Variants in SCFD2 observed in about 807,000 individuals in gnomAD.
The protein encoded by SCFD2 is sec1 family domain-containing protein 2.
SCFD2 carries 54 observed loss-of-function variants against 58.9 expected under a neutral mutation model. The ratio of observed to expected loss-of-function variants is 0.92; its 90% CI spans 0.74 to 1.15. The LOEUF is 1.15. Ranked by LOEUF, SCFD2 falls within the 50% of genes most tolerant of loss-of-function variation. SCFD2 has a pLI of 0.00. For synonymous variants in SCFD2, 321 were observed against 335.9 expected, an observed-to-expected ratio of 0.96 and a Z score of 0.49; for missense variants, 805 against 836.6, an observed-to-expected ratio of 0.96 and a Z score of 0.47.
intron 2 of SCFD2, among the ~76,000 whole-genome samples, chr4:53,345,137 G>A (rs998995452): frequency 1.3e-5 from 2 of 152,088 alleles, no homozygotes; most frequent in African/African-American, 4.8e-5. Flanking sequence ...CACAGCAAAA[G>A]AAACTACCAC....
chr4:52,970,814 C>G (rs547236931), intron 5 of SCFD2, among the ~76,000 whole-genome samples: 1 of 152,200 alleles, frequency 6.6e-6, no homozygotes, highest in Non-Finnish European at 1.5e-5. Flanking sequence ...TCCTCTGAGA[C>G]GAAACTTCCA....
intron 5 of SCFD2, among the ~76,000 whole-genome samples, chr4:53,092,268 T>G (rs745638309): frequency 3.9e-5 from 6 of 152,140 alleles, no homozygotes; most frequent in African/African-American, 1.4e-4. Context: ...ATATGACACA[T>G]AACAGGTCGT....
At chr4:52,940,387 G>T (rs553599452) in intron 5 of SCFD2, among the ~76,000 whole-genome samples, 170 of 152,312 alleles carry the variant, frequency 1.1e-3, no homozygotes, top group Non-Finnish European at 1.9e-3. Flanking sequence ...TGGCTCTCCT[G>T]AGTGGAAATG....
chr4:53,205,634 C>G (rs766682999), intron 4 of SCFD2, among the ~76,000 whole-genome samples: 1 of 151,860 alleles, frequency 6.6e-6, no homozygotes, highest in Admixed American at 6.6e-5. Context: ...CCGAGGTGGG[C>G]GGATCACGAG....
At chr4:53,206,202 G>C (rs1728399776) in intron 4 of SCFD2, among the ~76,000 whole-genome samples, 1 of 152,116 alleles carries the variant, frequency 6.6e-6, no homozygotes, top group Non-Finnish European at 1.5e-5. Context: ...AAAGTCTGTA[G>C]GCAACCAGTT....
intron 5 of SCFD2, among the ~76,000 whole-genome samples, chr4:53,010,555 G>T (rs531938929): frequency 9.2e-5 from 14 of 152,196 alleles, no homozygotes; most frequent in African/African-American, 3.1e-4. Flanking sequence ...CCCTGTCCTT[G>T]TGGGCAAGCT....
chr4:52,966,200 T>C (rs1720960032), intron 5 of SCFD2, among the ~76,000 whole-genome samples: 1 of 152,212 alleles, frequency 6.6e-6, no homozygotes, highest in South Asian at 2.1e-4. Flanking sequence ...CAGGATTTTG[T>C]TGTGCTTTAA....
chr4:52,940,557 G>C (rs1295680068), intron 5 of SCFD2, among the ~76,000 whole-genome samples: 5 of 152,172 alleles, frequency 3.3e-5, no homozygotes, highest in Non-Finnish European at 7.3e-5. Flanking sequence ...TGACCTGGGA[G>C]GACTCTTGTA....
intron 4 of SCFD2, among the ~76,000 whole-genome samples, chr4:53,209,480 G>T (rs1277733226): frequency 2.6e-5 from 4 of 152,010 alleles, no homozygotes; most frequent in African/African-American, 9.7e-5. Context: ...TGTCCATTTG[G>T]GTATTCCTTC....
At chr4:52,968,879 C>G (rs923314409) in intron 5 of SCFD2, among the ~76,000 whole-genome samples, 7 of 152,152 alleles carry the variant, frequency 4.6e-5, no homozygotes, top group African/African-American at 1.7e-4. Context: ...CTCTGCTTGG[C>G]CAAACGCCAG....
At chr4:53,301,013 G>C (rs1230243620) in intron 3 of SCFD2, among the ~76,000 whole-genome samples, 3 of 152,086 alleles carry the variant, frequency 2.0e-5, no homozygotes, top group Non-Finnish European at 2.9e-5. Flanking sequence ...ATCTAAAATT[G>C]ACACTCTAAC....
intron 3 of SCFD2, among the ~76,000 whole-genome samples, chr4:53,286,190 G>A (rs1288628937): frequency 6.6e-6 from 1 of 152,146 alleles, no homozygotes; most frequent in Admixed American, 6.5e-5. Flanking sequence ...AGCTGTTGCT[G>A]TATGGTGCCC....
At chr4:53,306,632 C>T (rs1732522559) in intron 3 of SCFD2, among the ~76,000 whole-genome samples, 1 of 152,140 alleles carries the variant, frequency 6.6e-6, no homozygotes, top group Non-Finnish European at 1.5e-5. Context: ...CCACTGTGTA[C>T]CAAGCCAATG....
At chr4:53,225,500 C>A (rs1331820946) in intron 4 of SCFD2, among the ~76,000 whole-genome samples, 1 of 152,158 alleles carries the variant, frequency 6.6e-6, no homozygotes, top group Non-Finnish European at 1.5e-5. Flanking sequence ...ATACATCAAT[C>A]TTTGTCTTAT....
At chr4:52,961,365 A>G (rs897490718) in intron 5 of SCFD2, among the ~76,000 whole-genome samples, 8 of 152,236 alleles carry the variant, frequency 5.3e-5, no homozygotes, top group African/African-American at 1.9e-4. Flanking sequence ...GAATAAGGCC[A>G]ACACTGAGAG....
chr4:53,141,857 G>A (rs1253542730), intron 5 of SCFD2, among the ~76,000 whole-genome samples: 2 of 152,084 alleles, frequency 1.3e-5, no homozygotes, highest in Admixed American at 1.3e-4. Context: ...AGCTCTCAGA[G>A]AAAGACCAAT....
intron 5 of SCFD2, among the ~76,000 whole-genome samples, chr4:53,086,429 G>C (rs1724306504): frequency 6.6e-6 from 1 of 152,164 alleles, no homozygotes; most frequent in Admixed American, 6.5e-5. Flanking sequence ...TACACTGTTG[G>C]TGGGAATGTA....
chr4:53,283,442 A>G (rs1292810048), intron 3 of SCFD2, among the ~76,000 whole-genome samples: 1 of 152,196 alleles, frequency 6.6e-6, no homozygotes, highest in Non-Finnish European at 1.5e-5. Flanking sequence ...CTTTCAGTGG[A>G]CATAATCATT....
intron 5 of SCFD2, among the ~76,000 whole-genome samples, chr4:53,041,242 C>T (rs1017516569): frequency 6.6e-6 from 1 of 152,158 alleles, no homozygotes; most frequent in South Asian, 2.1e-4. Flanking sequence ...GCTGCAGTAT[C>T]TTATGGTGCC....
Sources: allele counts gnomAD v4.1 joint callset (sites outside exome capture counted in the v4.1 genomes callset), GRCh38; gene constraint gnomAD v4.1.1; transcripts MANE v1.5; gene names NCBI Gene and HGNC (gene_info 2026-07-23, HGNC 2026-07-21).